Variants in ACACA observed in about 807,000 individuals in gnomAD.
ACACA encodes acetyl-CoA carboxylase alpha, also known as acetyl-CoA carboxylase 1.
Under a neutral mutation model 296.1 loss-of-function variants are expected in ACACA, and 103 were observed. The observed-to-expected ratio is 0.35, with a 90% confidence interval of 0.30 to 0.41. The LOEUF (loss-of-function observed/expected upper bound fraction) is 0.41. Ranked by LOEUF, ACACA falls within the 10% of genes least tolerant of loss-of-function variation. ACACA has a pLI of 1.00. For missense variants in ACACA, 1,554 were observed against 2,989.7 expected (o/e 0.52, Z 11.20); for synonymous variants, 953 against 1,038.6 (o/e 0.92, Z 1.58).
chr17:37,346,859 C>T (rs1414079230), intron 1 of ACACA, among the ~76,000 whole-genome samples: 3 of 152,116 alleles, frequency 2.0e-5, no homozygotes, highest in African/African-American at 7.2e-5. Flanking sequence ...AAATAACTTG[C>T]TTTTGATTTT....
Position 37,248,632 on chromosome 17 carries a change from A to T in ACACA, c.2124T>A (p.Asp708Glu). 6.2e-7 allele frequency: 1 copy of T among 1,612,020 alleles called. No individual in the cohort carries two copies. Among genetic ancestry groups the T allele is most frequent in the Non-Finnish European group, 8.5e-7 (1 of 1,178,532 alleles). ...LPAHTLLNTV[D>E]VELIYEGVKY... is the part of the protein sequence containing the mutation. ...TGACTCCCTCATAGATAAGTTCAAC[A>T]TCTACTGTATTCAGAAGTGTATGAG... The change falls in exon 17 of 56, where the codon GAT becomes GAA. Residue 708 changes from aspartate to glutamate, a missense_variant. By Grantham distance (45) the Asp-to-Glu change is conservative (BLOSUM62 2). Around this residue, in one of 16 missense-constraint regions of ACACA, gnomAD observed 316 missense variants for 540.9 expected, o/e 0.58. Transcript: ENST00000616317.
chr17:37,178,436 A>G (rs1272005331), intron 41 of ACACA, among the ~76,000 whole-genome samples: 1 of 152,238 alleles, frequency 6.6e-6, no homozygotes, highest in East Asian at 1.9e-4. Flanking sequence ...CATGGAGAAG[A>G]CACTGAAAAA....
At chr17:37,260,453 G>A (rs2081463337) in intron 11 of ACACA, among the ~76,000 whole-genome samples, 1 of 150,790 alleles carries the variant, frequency 6.6e-6, no homozygotes, top group Non-Finnish European at 1.5e-5. Flanking sequence ...ACAGGCACAT[G>A]CCACCATGTC....
intron 40 of ACACA, 60 bp from the exon 41 acceptor site, chr17:37,179,466 A>G: frequency 1.9e-6 from 3 of 1,575,570 alleles, no homozygotes; most frequent in Non-Finnish European, 2.6e-6. Context: ...GACAAAAATA[A>G]TTATTAAGAT....
At chr17:37,110,995 T>C (rs916719704) in intron 52 of ACACA, among the ~76,000 whole-genome samples, 1 of 152,138 alleles carries the variant, frequency 6.6e-6, no homozygotes, top group African/African-American at 2.4e-5. Flanking sequence ...AACAGAGCAA[T>C]GGCTGGAAGC....
chr17:37,350,632 G>A (rs2048855879), intron 1 of ACACA, among the ~76,000 whole-genome samples: 1 of 152,134 alleles, frequency 6.6e-6, no homozygotes, highest in Non-Finnish European at 1.5e-5. Context: ...CTGAGATTGG[G>A]AGTTTGAGAA....
rs114751535 is a variant in ACACA at position 37,168,504 on chromosome 17, C to T, written c.5080-6454G>A. Among the ~76,000 whole-genome samples, 569 of 150,932 alleles carry T rather than the reference C, an allele frequency of 3.8e-3. 2 individuals carry two copies. Among genetic ancestry groups the T allele is most frequent in the African/African-American group, 0.013 (552 of 41,108 alleles). On this transcript the variant is annotated intron_variant, in intron 41 of 55. Coordinates refer to ENST00000616317, the MANE Select transcript of ACACA (RefSeq NM_198834.3). ...TATTATTTATGCCTACTTTAGTGTA[C>T]GTTTGAGCATTTCCATAACAAAAAA...
intron 1 of ACACA, among the ~76,000 whole-genome samples, chr17:37,399,755 A>G (rs1176941260): frequency 1.3e-5 from 2 of 152,142 alleles, no homozygotes; most frequent in Non-Finnish European, 2.9e-5. Flanking sequence ...TGGCCATGGT[A>G]TTATGAAAAT....
intron 24 of ACACA, among the ~76,000 whole-genome samples, chr17:37,235,431 G>A (rs570780414): frequency 6.6e-6 from 1 of 152,144 alleles, no homozygotes; most frequent in Admixed American, 6.5e-5. Context: ...CTTAAAGACT[G>A]AAAGATTGGG....
At chr17:37,379,150 A>C in intron 1 of ACACA, 1 of 1,613,182 alleles carries the variant, frequency 6.2e-7, no homozygotes, top group Non-Finnish European at 8.5e-7. Flanking sequence ...CTCACACAGA[A>C]ACCAAAAGGA....
intron 45 of ACACA, among the ~76,000 whole-genome samples, chr17:37,130,883 T>G (rs2075060775): frequency 7.1e-6 from 1 of 141,740 alleles, no homozygotes; most frequent in African/African-American, 2.7e-5. Context: ...TTAAAAAGGA[T>G]TATTTTTTTC....
At chr17:37,335,646 A>G (rs982688323) in intron 2 of ACACA, among the ~76,000 whole-genome samples, 3 of 152,136 alleles carry the variant, frequency 2.0e-5, no homozygotes, top group African/African-American at 7.2e-5. Flanking sequence ...TTGTTATTGG[A>G]GCAGGAGTGC....
intron 16 of ACACA, 138 bp downstream of exon 16, chr17:37,251,867 G>A (rs542135143): frequency 6.5e-5 from 54 of 825,646 alleles, no homozygotes; most frequent in African/African-American, 2.9e-4. Context: ...CCTCTTTCTT[G>A]CCACCATGGT....
At chr17:37,275,165 A>G (rs1267402981) in intron 8 of ACACA, among the ~76,000 whole-genome samples, 1 of 152,220 alleles carries the variant, frequency 6.6e-6, no homozygotes, top group Admixed American at 6.5e-5. Context: ...GTTTTTAAAC[A>G]GTCAAATCAA....
intron 1 of ACACA, among the ~76,000 whole-genome samples, chr17:37,361,797 C>T (rs191627777): frequency 2.0e-5 from 3 of 152,142 alleles, no homozygotes; most frequent in African/African-American, 4.8e-5. Flanking sequence ...CTGTAAGAGG[C>T]GGAGGAGGAG....
At chr17:37,260,460 T>C (rs2081463698) in intron 11 of ACACA, among the ~76,000 whole-genome samples, 2 of 150,800 alleles carry the variant, frequency 1.3e-5, no homozygotes, top group African/African-American at 2.4e-5. Flanking sequence ...CATGCCACCA[T>C]GTCAGGCTAA....
In ACACA at chr17:37,208,689, A is replaced by G. The variant is rs190549674; in HGVS notation, c.3708-889T>C. ...CTCAATCTAAAAACAATGAATCTCT[A>G]TATTTCTTGATGTACCTTAACAGTA... On this transcript the variant is annotated intron_variant, in intron 30 of 55. Coordinates refer to ENST00000616317, the MANE Select transcript of ACACA (RefSeq NM_198834.3). 3.5e-4 allele frequency among the ~76,000 whole-genome samples: 54 copies of G among 152,322 alleles called. 2 individuals carry two copies. The East Asian group carries it at 9.2e-3, about 26-fold the overall frequency.
At chr17:37,367,536 C>T (rs1224973758) in intron 1 of ACACA, 3 of 152,082 alleles carry the variant, frequency 2.0e-5, no homozygotes, top group Non-Finnish European at 4.4e-5. Context: ...TTCTGAGCCT[C>T]AGTTTCCTTA....
At chr17:37,294,389 C>T (rs1379316479) in intron 3 of ACACA, among the ~76,000 whole-genome samples, 1 of 152,150 alleles carries the variant, frequency 6.6e-6, no homozygotes, top group Non-Finnish European at 1.5e-5. Flanking sequence ...TTTAAGTGCT[C>T]TTTTATTTAT....
Sources: gnomAD v4.1 joint callset for allele counts (sites outside exome capture counted in the v4.1 genomes callset) on GRCh38, gnomAD v4.1.1 for gene constraint, gnomAD v4.1.1 regional missense constraint, MANE v1.5 for transcripts, NCBI Gene and HGNC (gene_info 2026-07-23, HGNC 2026-07-21) for gene names.